CMTM4: variants seen among roughly 807,000 people sequenced by gnomAD.
The protein encoded by CMTM4 is CKLF like MARVEL transmembrane domain containing 4, also known as CKLF-like MARVEL transmembrane domain-containing protein 4.
A neutral mutation model predicts 19.0 loss-of-function variants in CMTM4; 8 were observed. That is an observed-to-expected ratio of 0.42 (90% CI 0.25 to 0.76). The LOEUF (loss-of-function observed/expected upper bound fraction) is 0.76, where lower values mean the gene tolerates loss of function less well. CMTM4 is among the 30% of genes least tolerant of loss of function. The pLI, the probability that CMTM4 is intolerant of heterozygous loss-of-function variation, is 0.27. For missense variants in CMTM4, 228 were observed against 290.2 expected (o/e 0.79, Z 1.56); for synonymous variants, 106 against 121.1 (o/e 0.88, Z 0.82).
chr16:66,632,697 G>A (rs1435906607), intron 2 of CMTM4, among the ~76,000 whole-genome samples: 2 of 152,100 alleles, frequency 1.3e-5, no homozygotes, highest in Non-Finnish European at 2.9e-5. Flanking sequence ...CCACATCCCA[G>A]AAGGGAAGGG....
intron 2 of CMTM4, among the ~76,000 whole-genome samples, chr16:66,625,860 T>TA (rs1482487640): frequency 7.9e-5 from 12 of 152,282 alleles, no homozygotes; most frequent in Admixed American, 2.6e-4. Flanking sequence ...TCATATAAGA[T>TA]AAAAAATTTC....
chr16:66,666,614 T>A (rs1206592200), intron 1 of CMTM4, among the ~76,000 whole-genome samples: 1 of 152,206 alleles, frequency 6.6e-6, no homozygotes, highest in African/African-American at 2.4e-5. Flanking sequence ...TTGAACAGGT[T>A]CTTCACCTAA....
chr16:66,609,273 T>A, the CMTM4 span: 2 of 624,822 alleles, frequency 3.2e-6, no homozygotes, highest in Non-Finnish European at 5.6e-6. The surrounding 1 kb of genome is among the most constrained non-coding windows in gnomAD (Gnocchi z 4.4). Context: ...CAGAGGCACC[T>A]CGGGGGTGGG....
the CMTM4 span, among the ~76,000 whole-genome samples, chr16:66,600,136 G>GTGGTTTTTTTTTTTTTTTTTTTTTTT: frequency 7.4e-6 from 1 of 135,154 alleles, no homozygotes; most frequent in Non-Finnish European, 1.5e-5. Context: ...GTGTGTGTGT[G>GTGGTTTTTTTTTTTTTTTTTTTTTTT]TTTTTTTTTG....
intron 1 of CMTM4, among the ~76,000 whole-genome samples, chr16:66,639,231 C>T (rs1195505522): frequency 6.6e-6 from 1 of 152,044 alleles, no homozygotes; most frequent in East Asian, 1.9e-4. Flanking sequence ...CTTTTTTTCA[C>T]CCCAGTAATC....
At chr16:66,649,459 C>CATCTATCTATCTATCTATCTATCT (rs71378403) in intron 1 of CMTM4, among the ~76,000 whole-genome samples, 2 of 149,498 alleles carry the variant, frequency 1.3e-5, no homozygotes, top group African/African-American at 4.9e-5. Flanking sequence ...TCTATCTATC[C>CATCTATCTATCTATCTATCTATCT]ATCTATCTAT....
chr16:66,647,644 T>C (rs765427002), intron 1 of CMTM4, among the ~76,000 whole-genome samples: 11 of 152,156 alleles, frequency 7.2e-5, no homozygotes, highest in Non-Finnish European at 1.3e-4. Flanking sequence ...TCAGAGAAGT[T>C]CAGGATCCAG....
At chr16:66,642,070 A>C (rs1298631948) in intron 1 of CMTM4, among the ~76,000 whole-genome samples, 1 of 152,224 alleles carries the variant, frequency 6.6e-6, no homozygotes, top group Non-Finnish European at 1.5e-5. Context: ...TGTTACAAGC[A>C]AAACATTTTT....
chr16:66,640,532 C>G (rs1359614317), intron 1 of CMTM4, among the ~76,000 whole-genome samples: 1 of 151,868 alleles, frequency 6.6e-6, no homozygotes, highest in Non-Finnish European at 1.5e-5. Context: ...GTATGCGGCT[C>G]TCACTCTGAG....
chr16:66,683,191 A>ACGTG (rs2016967049), intron 1 of CMTM4, among the ~76,000 whole-genome samples: 4 of 96,194 alleles, frequency 4.2e-5, no homozygotes, highest in Non-Finnish European at 4.5e-5. Context: ...GTATATATAT[A>ACGTG]TACATATATA....
chr16:66,693,291 A>G (rs961057264), intron 1 of CMTM4, among the ~76,000 whole-genome samples: 2 of 152,098 alleles, frequency 1.3e-5, no homozygotes, highest in Non-Finnish European at 2.9e-5. Flanking sequence ...ACGTTGCCCA[A>G]GCTGGAGCAC....
intron 1 of CMTM4, among the ~76,000 whole-genome samples, chr16:66,673,665 T>G (rs963460159): frequency 1.3e-5 from 2 of 152,216 alleles, no homozygotes; most frequent in Non-Finnish European, 2.9e-5. Flanking sequence ...TGTTTCCCAC[T>G]GCAAACAAGC....
chr16:66,618,201 T>A lies in CMTM4; in HGVS notation c.*3857A>T. 1 of 985,476 alleles carries A rather than the reference T, an allele frequency of 1.0e-6. No individual in the cohort carries two copies. Among genetic ancestry groups the A allele is most frequent in the Non-Finnish European group, 1.2e-6 (1 of 829,934 alleles). The allele number at this position is 985,476 out of a possible 1,614,324, so 61.0% of individuals were successfully genotyped here. A position where few individuals can be genotyped will look rare whatever the true frequency, so the allele number is the denominator to read the frequency against. On this transcript the variant is annotated 3_prime_UTR_variant, in exon 4 of 4. Transcript: ENST00000394106. ...AGTCCCTGGAGCAGGAAGCAACTTG[T>A]TATTCTGCTCAAGAGAATCCACCAG...
At chr16:66,609,499 A>C in the CMTM4 span, 2 of 1,609,264 alleles carry the variant, frequency 1.2e-6, no homozygotes, top group Non-Finnish European at 1.7e-6. This position sits in a 1 kb window ranked among gnomAD's most constrained non-coding sequence, Gnocchi z 4.4. Context: ...GCCATCGCCA[A>C]GTACTCGGAT....
intron 1 of CMTM4, among the ~76,000 whole-genome samples, chr16:66,688,868 G>A (rs1040279955): frequency 1.3e-5 from 2 of 152,124 alleles, no homozygotes; most frequent in Admixed American, 1.3e-4. Flanking sequence ...TGTTTTGTGA[G>A]ATTTATATCT....
At position 66,620,401 on chromosome 16, in the gene CMTM4, AGCCTG is replaced by A; in HGVS notation, c.*1652_*1656del. The A allele has an allele frequency of 1.0e-6, 1 of 985,408 alleles. No homozygotes were observed. The highest frequency in any genetic ancestry group is 1.2e-6 in the Non-Finnish European group (1 of 829,946). The allele number at this position is 985,408 out of a possible 1,614,324, so 61.0% of individuals were successfully genotyped here. On this transcript the variant is annotated 3_prime_UTR_variant, in exon 4 of 4. Transcript: ENST00000394106. ...AGGCAGACGTGGTGCTCAGCCACAT[AGCCTG>A]GGACACTGCTCCCAACTCAGATCGT...
At chr16:66,598,220 A>T in the CMTM4 span, among the ~76,000 whole-genome samples, 1 of 152,176 alleles carries the variant, frequency 6.6e-6, no homozygotes, top group Non-Finnish European at 1.5e-5. Flanking sequence ...CCTTCATTCC[A>T]TAGCAGACAT....
the CMTM4 span, among the ~76,000 whole-genome samples, chr16:66,598,793 T>C: frequency 6.6e-6 from 1 of 152,184 alleles, no homozygotes; most frequent in African/African-American, 2.4e-5. Context: ...TGGATGGAAG[T>C]TTCTTTATCC....
At position 66,617,478 on chromosome 16, in the gene CMTM4, T is replaced by C. The variant is rs1171239042; in HGVS notation, c.*4580A>G. The stretch of plus-strand genomic sequence containing the variant: ...CCACTCCGCTTCAAGCTAAAGAGTG[T>C]ACAAAATGCCACTCACTTGCATGAA... On this transcript the variant is annotated 3_prime_UTR_variant, in exon 4 of 4. Transcript: ENST00000394106. The C allele has an allele frequency of 6.9e-6, 10 of 1,447,186 alleles. No homozygotes were observed. Among genetic ancestry groups the C allele is most frequent in the Middle Eastern group, 4.9e-4 (2 of 4,074 alleles). The allele number at this position is 1,447,186 out of a possible 1,614,324, so 89.6% of individuals were successfully genotyped here. A position where few individuals can be genotyped will look rare whatever the true frequency, so the allele number is the denominator to read the frequency against.
Sources: gnomAD v4.1 joint callset for allele counts (sites outside exome capture counted in the v4.1 genomes callset) on GRCh38, gnomAD v4.1.1 for gene constraint, Gnocchi (gnomAD v3.1) non-coding constraint, MANE v1.5 for transcripts, NCBI Gene and HGNC (gene_info 2026-07-23, HGNC 2026-07-21) for gene names.